TMEM74: variants seen among roughly 807,000 people sequenced by gnomAD.
The protein encoded by TMEM74 is transmembrane protein 74.
A neutral mutation model predicts 18.1 loss-of-function variants in TMEM74; 13 were observed. That is an observed-to-expected ratio of 0.72 (90% CI 0.47 to 1.14). The LOEUF (loss-of-function observed/expected upper bound fraction) is 1.14, where lower values mean the gene tolerates loss of function less well. Among genes scored for constraint, TMEM74 ranks in the 50% most tolerant of loss-of-function variants. The pLI is 0.00. For missense variants in TMEM74, 372 were observed against 375.9 expected, an observed-to-expected ratio of 0.99 and a Z score of 0.09; for synonymous variants, 159 against 146.6, an observed-to-expected ratio of 1.08 and a Z score of -0.61.
intron 1 of TMEM74, among the ~76,000 whole-genome samples, chr8:108,657,854 AAAAAAATATATATATAT>A (rs1204270110): frequency 5.0e-4 from 29 of 58,044 alleles, no homozygotes; most frequent in Non-Finnish European, 6.9e-4. Context: ...AAAAAAAAAA[AAAAAAATATATATATAT>A]ATATATATAT....
chr8:108,707,731 C>G (rs2130620648), intron 1 of TMEM74, among the ~76,000 whole-genome samples: 1 of 152,204 alleles, frequency 6.6e-6, no homozygotes, highest in East Asian at 1.9e-4. Context: ...AACAGAAACT[C>G]TAAAAATCTT....
intron 1 of TMEM74, among the ~76,000 whole-genome samples, chr8:108,769,813 G>A (rs78008031): frequency 0.018 from 2,731 of 151,990 alleles, 88 homozygotes; most frequent in African/African-American, 0.062. Flanking sequence ...TTTTGTCCCC[G>A]TAGAGATTCA....
At chr8:108,712,722 C>T (rs966109877) in intron 1 of TMEM74, among the ~76,000 whole-genome samples, 6 of 151,152 alleles carry the variant, frequency 4.0e-5, no homozygotes, top group Non-Finnish European at 5.9e-5. Context: ...TATGTGTGTG[C>T]GTGTGTGTGT....
At chr8:108,755,181 CT>C (rs1356542954) in intron 1 of TMEM74, among the ~76,000 whole-genome samples, 3 of 152,048 alleles carry the variant, frequency 2.0e-5, no homozygotes, top group Admixed American at 6.6e-5. Context: ...CAAGGCCTGC[CT>C]TTAGTCTGAC....
chr8:108,675,532 A>G (rs1813048232), intron 1 of TMEM74, among the ~76,000 whole-genome samples: 1 of 152,232 alleles, frequency 6.6e-6, no homozygotes, highest in Non-Finnish European at 1.5e-5. Flanking sequence ...AGCGACTCAC[A>G]AAGTGCTCAA....
chr8:108,685,566 T>G (rs538602687), intron 1 of TMEM74, among the ~76,000 whole-genome samples: 6 of 152,244 alleles, frequency 3.9e-5, no homozygotes, highest in South Asian at 4.1e-4. Flanking sequence ...AACATAATAC[T>G]TAATAGGGGA....
intron 1 of TMEM74, among the ~76,000 whole-genome samples, chr8:108,756,964 T>G (rs1813982775): frequency 6.6e-6 from 1 of 152,118 alleles, no homozygotes; most frequent in African/African-American, 2.4e-5. Context: ...TAGCATAACT[T>G]CTGATGTTGT....
intron 1 of TMEM74, among the ~76,000 whole-genome samples, chr8:108,682,888 A>G (rs1392258900): frequency 6.6e-6 from 1 of 151,942 alleles, no homozygotes; most frequent in East Asian, 1.9e-4. Flanking sequence ...AATACAATCT[A>G]TAGCAGATTT....
intron 1 of TMEM74, among the ~76,000 whole-genome samples, chr8:108,757,262 G>A (rs1813985956): frequency 1.3e-5 from 2 of 151,964 alleles, no homozygotes; most frequent in South Asian, 4.2e-4. Flanking sequence ...ATCTTATCTA[G>A]TAGGTAGTAG....
intron 1 of TMEM74, among the ~76,000 whole-genome samples, chr8:108,772,685 A>C (rs1305702843): frequency 6.6e-6 from 1 of 152,168 alleles, no homozygotes; most frequent in Non-Finnish European, 1.5e-5. Flanking sequence ...ATTATAGATG[A>C]AAAGAGCATG....
chr8:108,726,812 TA>T (rs11291043), intron 1 of TMEM74, among the ~76,000 whole-genome samples: 1,523 of 149,246 alleles, frequency 0.01, 32 homozygotes, highest in African/African-American at 0.034. Context: ...AATAAACAAT[TA>T]AAAAAAAAAT....
At chr8:108,670,236 C>T (rs76183246) in intron 1 of TMEM74, among the ~76,000 whole-genome samples, 4,473 of 152,034 alleles carry the variant, frequency 0.029, 122 homozygotes, top group African/African-American at 0.066. Flanking sequence ...TGATTTATTC[C>T]AGTTTCAGTT....
At chr8:108,612,635 G>A (rs977822227) in intron 2 of TMEM74, among the ~76,000 whole-genome samples, 2 of 152,194 alleles carry the variant, frequency 1.3e-5, no homozygotes, top group Non-Finnish European at 2.9e-5. Context: ...TAAAGCTAAA[G>A]TGACCTATCC....
At chr8:108,740,408 T>C (rs1813788709) in intron 1 of TMEM74, among the ~76,000 whole-genome samples, 1 of 152,078 alleles carries the variant, frequency 6.6e-6, no homozygotes, top group South Asian at 2.1e-4. Flanking sequence ...CAAAAGTGAG[T>C]TAACTAAGTT....
In TMEM74 at chr8:108,635,949, T is replaced by C. The variant is rs114247614; in HGVS notation, n.264+19344A>G. On this transcript the variant is annotated intron_variant and non_coding_transcript_variant, in intron 2 of 3. Coordinates refer to the TMEM74 transcript ENST00000518838. ...TTTGTGATGTCCTTTCCTTCATTCC[T>C]TGATAAAAGATAAAATTTACTACAA... Among the ~76,000 whole-genome samples the C allele has an allele frequency of 9.0e-3, 1,366 of 152,202 alleles. 25 individuals carry two copies. The highest frequency in any genetic ancestry group is 0.031 in the African/African-American group (1,299 of 41,558).
intron 1 of TMEM74, among the ~76,000 whole-genome samples, chr8:108,676,333 C>T (rs964636847): frequency 6.6e-6 from 1 of 152,140 alleles, no homozygotes; most frequent in Admixed American, 6.6e-5. Flanking sequence ...GGTCTTGTCT[C>T]TTACTTCTCT....
At chr8:108,715,552 A>T (rs1383839060) in intron 1 of TMEM74, among the ~76,000 whole-genome samples, 1 of 152,158 alleles carries the variant, frequency 6.6e-6, no homozygotes, top group Non-Finnish European at 1.5e-5. Context: ...ATAGTCAGAC[A>T]AGTTGTCTGA....
At chr8:108,713,586 A>T (rs561205653) in intron 1 of TMEM74, among the ~76,000 whole-genome samples, 35 of 152,324 alleles carry the variant, frequency 2.3e-4, no homozygotes, top group Admixed American at 2.2e-3. Flanking sequence ...AATATTCACA[A>T]AATACACATT....
chr8:108,657,162 A>T (rs1050186035), intron 1 of TMEM74, among the ~76,000 whole-genome samples: 1 of 152,058 alleles, frequency 6.6e-6, no homozygotes, highest in African/African-American at 2.4e-5. Flanking sequence ...TAGAGGGAGA[A>T]TTCTTGGCAC....
Sources: gnomAD v4.1 joint callset for allele counts (sites outside exome capture counted in the v4.1 genomes callset) on GRCh38, gnomAD v4.1.1 for gene constraint, MANE v1.5 for transcripts, NCBI Gene and HGNC (gene_info 2026-07-23, HGNC 2026-07-21) for gene names.